Variants in NID2 observed in about 807,000 individuals in gnomAD.
The protein encoded by NID2 is nidogen-2.
Under a neutral mutation model 145.4 loss-of-function variants are expected in NID2, and 83 were observed. That is an observed-to-expected ratio of 0.57 (90% CI 0.48 to 0.69). The LOEUF (loss-of-function observed/expected upper bound fraction) is 0.69, where lower values mean the gene tolerates loss of function less well. Among genes scored for constraint, NID2 ranks in the 30% least tolerant of loss-of-function variants. The pLI, the probability that NID2 is intolerant of heterozygous loss-of-function variation, is 0.00. For missense variants in NID2, 1,807 were observed against 1,765.7 expected (o/e 1.02, Z -0.42); for synonymous variants, 739 against 701.3 (o/e 1.05, Z -0.85).
chr14:52,006,400 G>A lies in NID2; in HGVS notation c.4004+137C>T, dbSNP rs147222306. The A allele has an allele frequency of 4.1e-3, 3,497 of 859,552 alleles. 18 individuals are homozygous for A. Among genetic ancestry groups the A allele is most frequent in the Non-Finnish European group, 5.8e-3 (3,163 of 545,480 alleles). 53.2% of individuals were successfully genotyped at this position (859,552 alleles called of 1,614,324 possible). ...AAAACATCCTTGAAGGATCTTATCT[G>A]CCAATGAGGAGGTGATGAAACAAAA... On this transcript the variant is annotated intron_variant, in intron 20 of 21. Coordinates refer to ENST00000216286, the MANE Select transcript of NID2 (RefSeq NM_007361.4).
intron 9 of NID2, among the ~76,000 whole-genome samples, chr14:52,030,528 GAA>G (rs1276331485): frequency 2.4e-5 from 1 of 41,266 alleles, no homozygotes; most frequent in African/African-American, 8.1e-5. Context: ...AAGAAAGAAA[GAA>G]AGAAAGAAAG....
chr14:52,006,353 T>G, intron 20 of NID2, 184 bp downstream of exon 20: 1 of 623,492 alleles, frequency 1.6e-6, no homozygotes, highest in Non-Finnish European at 2.8e-6. Context: ...AAAAGGATGA[T>G]TTCAAAAACA....
Position 52,053,714 on chromosome 14 carries a change from C to T in NID2, c.1294G>A (p.Glu432Lys). Reference sequence around the variant, plus strand: ...GGATGAGCTGGGGGAACATCCATTTCCGAAGGCACTGGCCCTCCATCTGGG... The same window carrying T: ...GGATGAGCTGGGGGAACATCCATTTTCGAAGGCACTGGCCCTCCATCTGGG... The part of the protein sequence containing the change: ...PYPDGGPVPS[E>K]MDVPPAHPEE... Residue 432 changes from glutamate to lysine, a missense_variant, in exon 5 of 22, where the codon GAA becomes AAA. Coordinates refer to ENST00000216286, the MANE Select transcript of NID2 (RefSeq NM_007361.4). 6.2e-7 allele frequency: 1 copy of T among 1,614,218 alleles called. No individual in the cohort carries two copies. The highest frequency in any genetic ancestry group is 8.5e-7 in the Non-Finnish European group (1 of 1,180,030).
intron 12 of NID2, among the ~76,000 whole-genome samples, chr14:52,026,951 T>C (rs1439619304): frequency 6.6e-6 from 1 of 152,230 alleles, no homozygotes; most frequent in Non-Finnish European, 1.5e-5. Context: ...GAACCAAGGT[T>C]AGAAGCTCCC....
chr14:52,066,239 A>G (rs1032058332), intron 2 of NID2, among the ~76,000 whole-genome samples: 8 of 151,984 alleles, frequency 5.3e-5, no homozygotes, highest in Non-Finnish European at 1.0e-4. Flanking sequence ...GTCCTTATGC[A>G]ACATAGAGAG....
intron 2 of NID2, among the ~76,000 whole-genome samples, chr14:52,064,931 C>G (rs1242428568): frequency 6.6e-6 from 1 of 152,180 alleles, no homozygotes; most frequent in Non-Finnish European, 1.5e-5. Flanking sequence ...ACAAAACACT[C>G]CTCTTTCCCC....
At chr14:52,039,060 CA>C in intron 8 of NID2, 83 bp from the exon 9 acceptor site, 1 of 936,386 alleles carries the variant, frequency 1.1e-6, no homozygotes, top group Middle Eastern at 2.6e-4. Context: ...CAGTTTTTTT[CA>C]TCTAATTCTT....
Position 52,060,315 on chromosome 14 carries a change from A to C in NID2, c.576T>G (p.Asp192Glu). 1.1e-5 allele frequency: 17 copies of C among 1,600,634 alleles called. No homozygotes were observed. The highest frequency in any genetic ancestry group is 1.4e-5 in the Non-Finnish European group (16 of 1,171,762). The part of the protein sequence containing the change: ...FQAVLASDGS[D>E]SYALFLYPAN... ...CAGGATAAAGAAAGAGGGCGTAGCT[A>C]TCAGACCCATCAGATGCCAAAACTG... Residue 192 changes from aspartate to glutamate, a missense_variant, in exon 3 of 22, where the codon GAT becomes GAG. Transcript: ENST00000216286.
intron 16 of NID2, among the ~76,000 whole-genome samples, chr14:52,013,466 A>G (rs969366776): frequency 7.2e-5 from 11 of 152,206 alleles, no homozygotes; most frequent in Non-Finnish European, 1.3e-4. Flanking sequence ...CTGGAACCAA[A>G]TAAGTGTCGT....
At chr14:52,045,797 G>A (rs1299928231) in intron 5 of NID2, among the ~76,000 whole-genome samples, 1 of 152,174 alleles carries the variant, frequency 6.6e-6, no homozygotes. Flanking sequence ...AGGGCCATCA[G>A]GACTTTCTCC....
Position 52,060,307 on chromosome 14 carries a change from G to T in NID2, c.584C>A (p.Ala195Asp). Reference sequence around the variant, plus strand: ...GCCGTTGGCAGGATAAAGAAAGAGGGCGTAGCTATCAGACCCATCAGATGC... The same window carrying T: ...GCCGTTGGCAGGATAAAGAAAGAGGTCGTAGCTATCAGACCCATCAGATGC... The part of the protein sequence containing the change: ...VLASDGSDSY[A>D]LFLYPANGLQ... Residue 195 changes from alanine to aspartate, a missense_variant, in exon 3 of 22, where the codon GCC (alanine) becomes GAC (aspartate). Coordinates refer to ENST00000216286, the MANE Select transcript of NID2 (RefSeq NM_007361.4). The T allele has an allele frequency of 6.2e-7, 1 of 1,611,536 alleles. No individual in the cohort carries two copies. The highest frequency in any genetic ancestry group is 8.5e-7 in the Non-Finnish European group (1 of 1,178,824).
At chr14:52,040,967 T>C (rs1040037377) in intron 7 of NID2, 116 bp from the exon 8 acceptor site, 1 of 828,712 alleles carries the variant, frequency 1.2e-6, no homozygotes, top group Non-Finnish European at 2.0e-6. Context: ...CTAAGGAGAT[T>C]ATCTGATATC....
chr14:52,029,763 C>T (rs1891734029), intron 9 of NID2, 73 bp from the exon 10 acceptor site: 1 of 1,303,206 alleles, frequency 7.7e-7, no homozygotes, highest in Non-Finnish European at 1.1e-6. Context: ...TAGAGGAGTC[C>T]TCGGAACTGA....
intron 2 of NID2, among the ~76,000 whole-genome samples, chr14:52,060,947 A>C (rs146698607): frequency 6.6e-6 from 1 of 152,336 alleles, no homozygotes; most frequent in Non-Finnish European, 1.5e-5. Flanking sequence ...TTCACAGATG[A>C]GAAAAAGACA....
chr14:52,035,638 G>T (rs916949866), intron 9 of NID2, among the ~76,000 whole-genome samples: 6 of 150,208 alleles, frequency 4.0e-5, no homozygotes, highest in Non-Finnish European at 8.9e-5. Context: ...TGTACCCGAT[G>T]AGAATGGTTT....
chr14:52,014,957 G>A, intron 15 of NID2, 97 bp downstream of exon 15: 1 of 956,096 alleles, frequency 1.0e-6, no homozygotes, highest in Non-Finnish European at 1.6e-6. Context: ...ATTAGACCTG[G>A]TGACCCCACA....
chr14:52,027,208 C>A lies in NID2; in HGVS notation c.2667G>T (p.Gln889His). Residue 889 changes from glutamine to histidine, a missense_variant, in exon 12 of 22, where the codon CAG becomes CAT. Coordinates refer to ENST00000216286, the MANE Select transcript of NID2 (RefSeq NM_007361.4). ...TGACCTGCAGTTACTCACCAGTGCA[C>A]TGGTGCCCATCGCCGGCATAACCAG... ...CLPGYAGDGH[Q>H]CTDVDECSEN... 6.5e-7 allele frequency: 1 copy of A among 1,548,548 alleles called. No individual in the cohort carries two copies.
chr14:52,007,643 T>C, intron 19 of NID2, 167 bp downstream of exon 19: 1 of 670,578 alleles, frequency 1.5e-6, no homozygotes, highest in Non-Finnish European at 2.6e-6. Context: ...CCCAGAAAGT[T>C]CATTTTAAGA....
At chr14:52,031,082 T>C (rs544299144) in intron 9 of NID2, among the ~76,000 whole-genome samples, 9 of 152,316 alleles carry the variant, frequency 5.9e-5, no homozygotes, top group African/African-American at 2.2e-4. Flanking sequence ...TCTGGTTCCA[T>C]AGCTCATGCT....
Sources: allele counts gnomAD v4.1 joint callset (sites outside exome capture counted in the v4.1 genomes callset), GRCh38; gene constraint gnomAD v4.1.1; transcripts MANE v1.5; gene names NCBI Gene and HGNC (gene_info 2026-07-23, HGNC 2026-07-21).